The following EPS8 variants were observed in gnomAD, a reference collection of about 807,000 sequenced individuals.
The protein encoded by EPS8 is epidermal growth factor receptor kinase substrate 8.
EPS8 carries 42 observed loss-of-function variants against 103.8 expected under a neutral mutation model. That is an observed-to-expected ratio of 0.40 (90% CI 0.32 to 0.52). The LOEUF (loss-of-function observed/expected upper bound fraction) is 0.52, where lower values mean the gene tolerates loss of function less well. Among genes scored for constraint, EPS8 ranks in the 20% least tolerant of loss-of-function variants. The pLI is 0.40. For missense variants in EPS8, 969 were observed against 1,005.1 expected, an observed-to-expected ratio of 0.96 and a Z score of 0.49; for synonymous variants, 344 against 344.6, an observed-to-expected ratio of 1.00 and a Z score of 0.02.
At chr12:15,715,534 G>A (rs1400679514) in intron 1 of EPS8, among the ~76,000 whole-genome samples, 2 of 151,874 alleles carry the variant, frequency 1.3e-5, no homozygotes, top group East Asian at 3.9e-4. Flanking sequence ...ACTGGTGTGC[G>A]CCACTACGCC....
At chr12:15,658,040 T>C (rs1945538404) in intron 12 of EPS8, 39 bp downstream of exon 12, 1 of 1,275,168 alleles carries the variant, frequency 7.8e-7, no homozygotes, top group Non-Finnish European at 1.1e-6. Flanking sequence ...TTAAAAAATA[T>C]ACTAAGAACG....
rs565247261 is a variant in EPS8 at position 15,669,334 on chromosome 12, A to G, written c.516+53T>C. 6.3e-4 allele frequency: 949 copies of G among 1,514,084 alleles called. 2 individuals carry two copies. In the African/African-American group the frequency reaches 8.4e-3, roughly 13 times the overall value. The allele number at this position is 1,514,084 out of a possible 1,614,324, so 93.8% of individuals were successfully genotyped here. On this transcript the variant is annotated intron_variant, in intron 6 of 20. Coordinates refer to ENST00000281172, the MANE Select transcript of EPS8 (RefSeq NM_004447.6). The stretch of plus-strand genomic sequence containing the variant: ...ATATTATCAAAATAGGTAATTCAAA[A>G]GCTCCCAGACAATCTGCTTAAAGAA...
At chr12:15,774,368 A>G (rs1947186020) in intron 1 of EPS8, among the ~76,000 whole-genome samples, 1 of 134,932 alleles carries the variant, frequency 7.4e-6, no homozygotes, top group East Asian at 2.4e-4. Context: ...GTGTTATTTA[A>G]GCAAACAGTA....
intron 1 of EPS8, among the ~76,000 whole-genome samples, chr12:15,689,535 T>C (rs1946143626): frequency 6.6e-6 from 1 of 151,928 alleles, no homozygotes; most frequent in Non-Finnish European, 1.5e-5. Flanking sequence ...TGTATATATT[T>C]ATAGTGTACA....
chr12:15,770,908 A>G (rs898973319), intron 1 of EPS8, among the ~76,000 whole-genome samples: 4 of 152,208 alleles, frequency 2.6e-5, no homozygotes, highest in Admixed American at 6.5e-5. Context: ...TTTAACCAAT[A>G]CACATTGAGC....
chr12:15,736,454 AAAGT>A lies in EPS8; in HGVS notation c.-22+52703_-22+52706del, dbSNP rs1208480481. On this transcript the variant is annotated intron_variant, in intron 1 of 20. Transcript: ENST00000281172. This position sits in a 1 kb window ranked among gnomAD's most constrained non-coding sequence, Gnocchi z 4.2. ...TATATGACAACCTCAGCAATGTCAT[AAAGT>A]AAGTGTAAAACCTATATGGCTAGCT... Among the ~76,000 whole-genome samples the A allele has an allele frequency of 1.3e-5, 2 of 152,236 alleles. No individual in the cohort carries two copies. Among genetic ancestry groups the A allele is most frequent in the Non-Finnish European group, 2.9e-5 (2 of 68,046 alleles).
chr12:15,687,120 TA>T (rs796848202), intron 1 of EPS8, among the ~76,000 whole-genome samples: 15 of 149,864 alleles, frequency 1.0e-4, no homozygotes, highest in African/African-American at 2.7e-4. Context: ...TTTCAAACAT[TA>T]AAAAAAAAAT....
chr12:15,703,526 G>A (rs1946339558), intron 1 of EPS8, among the ~76,000 whole-genome samples: 1 of 151,996 alleles, frequency 6.6e-6, no homozygotes, highest in African/African-American at 2.4e-5. Flanking sequence ...ATGAATTTCA[G>A]GGAATAGTGA....
In EPS8 at chr12:15,741,918, G is replaced by C. The variant is rs1261080271; in HGVS notation, c.-22+47243C>G. Reference sequence around the variant, plus strand: ...GTGATGTTCCCCATCCTGTGTCCAAGTGTTCTCACTGTTCAGTTCCCACCT... The same window carrying C: ...GTGATGTTCCCCATCCTGTGTCCAACTGTTCTCACTGTTCAGTTCCCACCT... On this transcript the variant is annotated intron_variant, in intron 1 of 20. Transcript: ENST00000281172. Among the ~76,000 whole-genome samples the C allele has an allele frequency of 3.3e-5, 5 of 152,142 alleles. No homozygotes were observed. The East Asian group carries it at 9.7e-4, about 29-fold the overall frequency.
At position 15,760,414 on chromosome 12, in the gene EPS8, G is replaced by A. The variant is rs909620796; in HGVS notation, c.-22+28747C>T. Among the ~76,000 whole-genome samples the A allele has an allele frequency of 1.3e-5, 2 of 152,012 alleles. No individual in the cohort carries two copies. Among genetic ancestry groups the A allele is most frequent in the Non-Finnish European group, 2.9e-5 (2 of 67,910 alleles). On this transcript the variant is annotated intron_variant, in intron 1 of 20. Coordinates refer to ENST00000281172, the MANE Select transcript of EPS8 (RefSeq NM_004447.6). The surrounding 1 kb of genome is among the most constrained non-coding windows in gnomAD (Gnocchi z 4.5). ...ATACGAATCCTACTCAAACTATTCT[G>A]AAAACATAGAGGAGAGGGTAATACT...
intron 10 of EPS8, among the ~76,000 whole-genome samples, chr12:15,659,673 G>T (rs1945570450): frequency 6.6e-6 from 1 of 152,204 alleles, no homozygotes; most frequent in African/African-American, 2.4e-5. Context: ...GAAAGATTTG[G>T]AAGTTATCTG....
intron 3 of EPS8, among the ~76,000 whole-genome samples, chr12:15,679,695 A>T (rs539625214): frequency 6.6e-6 from 1 of 152,310 alleles, no homozygotes; most frequent in African/African-American, 2.4e-5. Flanking sequence ...CTACTATCTA[A>T]GCACATTTAG....
rs186595209 is a variant in EPS8, at chr12:15,730,276, A to C, written c.-21-47304T>G. The stretch of plus-strand genomic sequence containing the variant: ...TAATCATGATTTTACAACAGAAGAA[A>C]TAAAAGCTCAGAGTTTGGTACTTGC... On this transcript the variant is annotated intron_variant, in intron 1 of 20. Coordinates refer to ENST00000281172, the MANE Select transcript of EPS8 (RefSeq NM_004447.6). Among the ~76,000 whole-genome samples, 591 of 152,348 alleles carry C rather than the reference A, an allele frequency of 3.9e-3. 6 individuals carry two copies. Among genetic ancestry groups the C allele is most frequent in the African/African-American group, 0.013 (561 of 41,588 alleles).
intron 1 of EPS8, among the ~76,000 whole-genome samples, chr12:15,708,012 G>T (rs527531310): frequency 3.9e-5 from 6 of 152,138 alleles, no homozygotes; most frequent in Non-Finnish European, 8.8e-5. Flanking sequence ...TGCCTATGAT[G>T]ATCTGTGCAT....
At chr12:15,720,012 G>A (rs1190007989) in intron 1 of EPS8, among the ~76,000 whole-genome samples, 1 of 152,148 alleles carries the variant, frequency 6.6e-6, no homozygotes, top group African/African-American at 2.4e-5. Flanking sequence ...CATCAGTATA[G>A]GCAGTAGAAT....
At chr12:15,692,521 G>T (rs145829070) in intron 1 of EPS8, among the ~76,000 whole-genome samples, 1 of 151,740 alleles carries the variant, frequency 6.6e-6, no homozygotes, top group African/African-American at 2.4e-5. Flanking sequence ...CATTAGTATG[G>T]GTGTTTTTTG....
chr12:15,724,857 C>T (rs969985969), intron 1 of EPS8, among the ~76,000 whole-genome samples: 5 of 152,178 alleles, frequency 3.3e-5, no homozygotes, highest in African/African-American at 1.2e-4. Context: ...TCCATTAAAC[C>T]TCTTTTTCTT....
At chr12:15,641,904 A>T in intron 15 of EPS8, 74 bp from the exon 16 acceptor site, 1 of 665,648 alleles carries the variant, frequency 1.5e-6, no homozygotes, top group Non-Finnish European at 2.4e-6. Flanking sequence ...ACACTGAGAC[A>T]AGCCAAATCC....
In EPS8 at chr12:15,757,866, T is replaced by C. The variant is rs529791042; in HGVS notation, c.-22+31295A>G. ...AGCTTAGAAGAACAATAGCGTAAGG[T>C]ACTAGCTCTCACAGTTTCTTTGCAT... On this transcript the variant is annotated intron_variant, in intron 1 of 20. Coordinates refer to ENST00000281172, the MANE Select transcript of EPS8 (RefSeq NM_004447.6). This position sits in a 1 kb window ranked among gnomAD's most constrained non-coding sequence, Gnocchi z 4.1. Among the ~76,000 whole-genome samples, 13 of 152,312 alleles carry C rather than the reference T, an allele frequency of 8.5e-5. No homozygotes were observed. The highest frequency in any genetic ancestry group is 8.5e-4 in the Admixed American group (13 of 15,304).
Sources: allele counts gnomAD v4.1 joint callset (sites outside exome capture counted in the v4.1 genomes callset), GRCh38; gene constraint gnomAD v4.1.1; non-coding constraint Gnocchi (gnomAD v3.1); transcripts MANE v1.5; gene names NCBI Gene and HGNC (gene_info 2026-07-23, HGNC 2026-07-21).